SLC24A2: variants seen among roughly 807,000 people sequenced by gnomAD.
SLC24A2 encodes the protein sodium/potassium/calcium exchanger 2.
In SLC24A2, 36 loss-of-function variants were observed where a neutral mutation model predicts 62.0. The observed-to-expected ratio is 0.58, with a 90% CI of 0.44 to 0.77. SLC24A2 has a LOEUF of 0.77. Ranked by LOEUF, SLC24A2 falls within the 30% of genes least tolerant of loss-of-function variation. The pLI is 0.00. For missense variants in SLC24A2, 846 were observed against 817.9 expected (o/e 1.03, Z -0.42); for synonymous variants, 358 against 294.0 (o/e 1.22, Z -2.23).
At chr9:19,630,427 AAAGAT>A (rs1331872323) in intron 2 of SLC24A2, among the ~76,000 whole-genome samples, 1 of 152,148 alleles carries the variant, frequency 6.6e-6, no homozygotes, top group Non-Finnish European at 1.5e-5. Context: ...TTATTTTAAA[AAAGAT>A]TAGATTTTTT....
At position 19,786,683 on chromosome 9, in the gene SLC24A2, T is replaced by C. The variant is rs768832989; in HGVS notation, c.184A>G (p.Thr62Ala). 9 of 1,613,310 alleles carry C rather than the reference T, an allele frequency of 5.6e-6. No individual in the cohort carries two copies. Among genetic ancestry groups the C allele is most frequent in the Non-Finnish European group, 6.8e-6 (8 of 1,179,504 alleles). ...VSFSISAFSE[T>A]DTQSTGEASV... is the part of the protein sequence containing the mutation. ...GCCTCTCCTGTGCTCTGTGTATCTG[T>C]CTCAGAAAAGGCACTGATTGAAAAT... Residue 62 changes from threonine (T) to alanine (A), a missense_variant, in exon 2 of 11, where the codon ACA (threonine) becomes GCA (alanine). By Grantham distance (58) the Thr-to-Ala change is moderately conservative (BLOSUM62 0). Transcript: ENST00000341998. The surrounding 1 kb of genome is among the most constrained non-coding windows in gnomAD (Gnocchi z 5.0).
the SLC24A2 span, among the ~76,000 whole-genome samples, chr9:19,961,231 T>C: frequency 6.6e-6 from 1 of 150,486 alleles, no homozygotes. Flanking sequence ...AGTATAATAA[T>C]AATAAAAAAA....
intron 2 of SLC24A2, among the ~76,000 whole-genome samples, chr9:19,733,845 A>T (rs1821415624): frequency 6.6e-6 from 1 of 152,132 alleles, no homozygotes; most frequent in Admixed American, 6.6e-5. Context: ...CAAGGTAGAA[A>T]ACTCCCGTAC....
chr9:19,850,144 C>A, the SLC24A2 span, among the ~76,000 whole-genome samples: 1 of 150,854 alleles, frequency 6.6e-6, no homozygotes, highest in Admixed American at 6.6e-5. Context: ...CTTATAAAGA[C>A]CTTAAAATAA....
At chr9:20,147,360 C>A in the SLC24A2 span, among the ~76,000 whole-genome samples, 1 of 152,094 alleles carries the variant, frequency 6.6e-6, no homozygotes, top group South Asian at 2.1e-4. Context: ...GGAAGGAAAA[C>A]CATGTGGTAA....
At chr9:20,024,620 T>C in the SLC24A2 span, among the ~76,000 whole-genome samples, 1 of 152,196 alleles carries the variant, frequency 6.6e-6, no homozygotes, top group Non-Finnish European at 1.5e-5. Flanking sequence ...GGTTCTCTGA[T>C]AAGAAAGACT....
At chr9:20,102,286 T>G in the SLC24A2 span, among the ~76,000 whole-genome samples, 3 of 151,862 alleles carry the variant, frequency 2.0e-5, no homozygotes, top group African/African-American at 7.3e-5. Context: ...GTGGCACATA[T>G]ACACCACAGA....
the SLC24A2 span, among the ~76,000 whole-genome samples, chr9:19,983,867 C>T: frequency 6.6e-6 from 1 of 152,118 alleles, no homozygotes; most frequent in African/African-American, 2.4e-5. Context: ...AATTAAAGAA[C>T]AACATAAATG....
In SLC24A2 at chr9:19,619,682, C is replaced by T. The variant is rs770762176; in HGVS notation, c.980G>A (p.Arg327His). The change falls in exon 4 of 11, where the codon CGT becomes CAT. Residue 327 changes from arginine to histidine, a missense_variant. Arg to His is a conservative substitution (Grantham distance 29, BLOSUM62 0). Transcript: ENST00000341998. ...KDEPTLPAKP[R>H]LQRGGSSASL... Reference sequence around the variant, plus strand: ...GGCAGAGCTTCCACCTCGCTGGAGACGCGGCTTAGCCTGAGCAGAGAAACC... The same window carrying T: ...GGCAGAGCTTCCACCTCGCTGGAGATGCGGCTTAGCCTGAGCAGAGAAACC... The T allele has an allele frequency of 1.2e-5, 19 of 1,613,452 alleles. No homozygotes were observed. The highest frequency in any genetic ancestry group is 1.6e-4 in the Middle Eastern group (1 of 6,078).
intron 4 of SLC24A2, among the ~76,000 whole-genome samples, chr9:19,602,025 T>C (rs1836855541): frequency 6.6e-6 from 1 of 152,234 alleles, no homozygotes; most frequent in South Asian, 2.1e-4. Flanking sequence ...AACTTTGGTA[T>C]CAAGAGACCT....
At chr9:20,194,482 G>C in the SLC24A2 span, among the ~76,000 whole-genome samples, 1 of 151,958 alleles carries the variant, frequency 6.6e-6, no homozygotes, top group Non-Finnish European at 1.5e-5. Context: ...TTAATTTATA[G>C]GTTGGTTACT....
the SLC24A2 span, among the ~76,000 whole-genome samples, chr9:20,232,075 G>T: frequency 6.6e-6 from 1 of 152,182 alleles, no homozygotes; most frequent in Non-Finnish European, 1.5e-5. Flanking sequence ...TTGCATCCCA[G>T]GGATGAAGCC....
At chr9:20,162,248 A>G in the SLC24A2 span, among the ~76,000 whole-genome samples, 1 of 151,580 alleles carries the variant, frequency 6.6e-6, no homozygotes, top group African/African-American at 2.4e-5. Context: ...AAAGAAAAAC[A>G]AAATAGGCTT....
At chr9:20,291,200 A>G in the SLC24A2 span, among the ~76,000 whole-genome samples, 5 of 152,190 alleles carry the variant, frequency 3.3e-5, 1 homozygote, top group East Asian at 1.9e-4. Context: ...GGCTAGCAAT[A>G]TGGACGTGGA....
In SLC24A2 at chr9:19,538,271, T is replaced by C. The variant is rs924208158; in HGVS notation, c.1480-10133A>G. Among the ~76,000 whole-genome samples, 6 of 142,178 alleles carry C rather than the reference T, an allele frequency of 4.2e-5. No individual in the cohort carries two copies. The Admixed American group carries it at 4.3e-4, about 10-fold the overall frequency. 93.3% of individuals were successfully genotyped at this position (142,178 alleles called of 152,430 possible). A position where few individuals can be genotyped will look rare whatever the true frequency, so the allele number is the denominator to read the frequency against. On this transcript the variant is annotated intron_variant, in intron 8 of 10. Transcript: ENST00000341998. ...TAGGAGTGGTGAGAGAGGGCATCCC[T>C]GTCTTGTGCCAGTTTTCAAAGGGAA...
intron 2 of SLC24A2, among the ~76,000 whole-genome samples, chr9:19,666,934 A>T (rs1311697206): frequency 6.6e-6 from 1 of 152,378 alleles, no homozygotes; most frequent in South Asian, 2.1e-4. Flanking sequence ...AGAGCTACAC[A>T]AACAATAATT....
At chr9:19,728,161 G>T (rs528605822) in intron 2 of SLC24A2, among the ~76,000 whole-genome samples, 1 of 152,254 alleles carries the variant, frequency 6.6e-6, no homozygotes, top group South Asian at 2.1e-4. Context: ...CCAAGGCTGT[G>T]CCCTTTCTAA....
At position 19,509,130 on chromosome 9, in the gene SLC24A2, T is replaced by C. The variant is rs1423189824; in HGVS notation, c.*7023A>G. The C allele has an allele frequency of 2.5e-4, 38 of 152,194 alleles. No homozygotes were observed. The highest frequency in any genetic ancestry group is 2.5e-3 in the Admixed American group (38 of 15,274). The allele number at this position is 152,194 out of a possible 1,614,324, so 9.4% of individuals were successfully genotyped here. ...TTCCCAGGTATATGTTTGCTAATTA[T>C]CTATTTCATTTTCCATATGGGTGAA... On this transcript the variant is annotated 3_prime_UTR_variant, in exon 11 of 11. Coordinates refer to ENST00000341998, the MANE Select transcript of SLC24A2 (RefSeq NM_020344.4).
chr9:20,012,495 T>A, the SLC24A2 span, among the ~76,000 whole-genome samples: 3,489 of 152,160 alleles, frequency 0.023, 137 homozygotes, highest in African/African-American at 0.079. Flanking sequence ...TATCACCCAC[T>A]CTCACCACTT....
Sources: allele counts gnomAD v4.1 joint callset (sites outside exome capture counted in the v4.1 genomes callset), GRCh38; gene constraint gnomAD v4.1.1; non-coding constraint Gnocchi (gnomAD v3.1); transcripts MANE v1.5; gene names NCBI Gene and HGNC (gene_info 2026-07-23, HGNC 2026-07-21).